TENM1: variants seen among roughly 807,000 people sequenced by gnomAD.
TENM1 encodes teneurin-1.
Under a neutral mutation model 174.8 loss-of-function variants are expected in TENM1, and 35 were observed. The ratio of observed to expected loss-of-function variants is 0.20; its 90% CI spans 0.15 to 0.27. TENM1 has a LOEUF of 0.27. Ranked by LOEUF, TENM1 falls within the 10% of genes least tolerant of loss-of-function variation. The pLI is 1.00. For synonymous variants in TENM1, 781 were observed against 798.7 expected (o/e 0.98, Z 0.37); for missense variants, 1,633 against 2,130.1 (o/e 0.77, Z 4.59).
chrX:124,894,938 A>G lies in TENM1; in HGVS notation c.479-586T>C, dbSNP rs746280497. Among the ~76,000 whole-genome samples, 8 of 111,535 alleles carry G rather than the reference A, an allele frequency of 7.2e-5. No individual in the cohort carries two copies. The East Asian group carries it at 8.5e-4, about 12-fold the overall frequency. On this transcript the variant is annotated intron_variant, in intron 2 of 31. Transcript: ENST00000422452. ...CTTGGCCAAAGTCAACAATGCATAC[A>G]TGAACACATACATATATGAAAATAA...
At chrX:124,485,251 G>A (rs1474239714) in intron 21 of TENM1, among the ~76,000 whole-genome samples, 1 of 110,972 alleles carries the variant, frequency 9.0e-6, no homozygotes, top group Non-Finnish European at 1.9e-5. Flanking sequence ...CATCAAGTAA[G>A]AGAATCCAGT....
At chrX:124,702,345 C>T (rs917970955) in intron 5 of TENM1, among the ~76,000 whole-genome samples, 23 of 111,434 alleles carry the variant, frequency 2.1e-4, no homozygotes, top group African/African-American at 6.8e-4. Flanking sequence ...TATCCAGTCA[C>T]ATAATGTCCA....
the TENM1 span, among the ~76,000 whole-genome samples, chrX:124,980,830 C>A: frequency 2.7e-5 from 3 of 111,120 alleles, no homozygotes; most frequent in Non-Finnish European, 5.7e-5. Context: ...ATTTAAATAG[C>A]AATAATCTTT....
At chrX:124,399,686 G>T (rs1431559368) in intron 27 of TENM1, among the ~76,000 whole-genome samples, 1 of 111,991 alleles carries the variant, frequency 8.9e-6, no homozygotes, top group African/African-American at 3.3e-5. Context: ...ACAAAAATAG[G>T]CTAGGCACGG....
At chrX:124,853,044 T>C (rs1050104700) in intron 3 of TENM1, among the ~76,000 whole-genome samples, 21 of 112,026 alleles carry the variant, frequency 1.9e-4, no homozygotes, top group African/African-American at 6.8e-4. Flanking sequence ...ACTCATTTTG[T>C]TCCTGCTATG....
At chrX:125,090,632 G>T in the TENM1 span, among the ~76,000 whole-genome samples, 1 of 111,586 alleles carries the variant, frequency 9.0e-6, no homozygotes, top group East Asian at 2.8e-4. Context: ...TCCAGGCTGG[G>T]TGACAGAGCA....
chrX:125,103,422 T>C, the TENM1 span, among the ~76,000 whole-genome samples: 3 of 111,562 alleles, frequency 2.7e-5, no homozygotes, highest in Non-Finnish European at 5.6e-5. Context: ...TCAGGTGCCT[T>C]GGTCCCCATG....
At chrX:124,810,298 T>C (rs1312342357) in intron 3 of TENM1, among the ~76,000 whole-genome samples, 1 of 111,477 alleles carries the variant, frequency 9.0e-6, no homozygotes, top group Admixed American at 9.6e-5. Context: ...GACATGATCT[T>C]ATATATAGAA....
chrX:124,386,209 A>G (rs1271282725), intron 28 of TENM1, 145 bp from the exon 32 acceptor site: 2 of 481,290 alleles, frequency 4.2e-6, no homozygotes, highest in African/African-American at 4.8e-5. Context: ...TGGATACAGT[A>G]GTGCACAATA....
chrX:124,613,577 A>G (rs1392859525), intron 11 of TENM1, among the ~76,000 whole-genome samples: 1 of 111,477 alleles, frequency 9.0e-6, no homozygotes, highest in Non-Finnish European at 1.9e-5. Flanking sequence ...TCATTCTTCA[A>G]ATTATTCTGG....
intron 6 of TENM1, among the ~76,000 whole-genome samples, chrX:124,658,123 TTCA>T (rs1189616007): frequency 9.0e-6 from 1 of 111,326 alleles, no homozygotes; most frequent in African/African-American, 3.3e-5. Flanking sequence ...CTTTAAAGGG[TTCA>T]AAGGGGTATA....
chrX:124,722,043 C>T (rs945636936), intron 4 of TENM1, among the ~76,000 whole-genome samples: 2 of 111,783 alleles, frequency 1.8e-5, no homozygotes, highest in African/African-American at 3.3e-5. Flanking sequence ...CCCACATTAC[C>T]ATAAAATTAC....
intron 5 of TENM1, among the ~76,000 whole-genome samples, chrX:124,682,158 C>T (rs1414275303): frequency 9.0e-6 from 1 of 111,567 alleles, no homozygotes; most frequent in Non-Finnish European, 1.9e-5. Flanking sequence ...CATCAACATC[C>T]CCCAAAGCTG....
intron 11 of TENM1, among the ~76,000 whole-genome samples, chrX:124,597,108 G>C (rs2049912573): frequency 9.0e-6 from 1 of 111,501 alleles, no homozygotes; most frequent in Non-Finnish European, 1.9e-5. Context: ...ATGGAAAACA[G>C]TGTGTAGATT....
chrX:124,920,555 C>A (rs1334072536), intron 1 of TENM1, among the ~76,000 whole-genome samples: 2 of 111,315 alleles, frequency 1.8e-5, no homozygotes, highest in Non-Finnish European at 3.8e-5. Flanking sequence ...ATTGCTGGGT[C>A]ACAATGCATG....
At chrX:124,682,225 T>C (rs1351506363) in intron 5 of TENM1, among the ~76,000 whole-genome samples, 1 of 111,847 alleles carries the variant, frequency 8.9e-6, no homozygotes, top group Non-Finnish European at 1.9e-5. Context: ...CTGGAAGTTG[T>C]AGGTTTTGGG....
At position 124,427,545 on chromosome X, in the gene TENM1, C is replaced by T. The variant is rs967172188; in HGVS notation, c.4105-4907G>A. Among the ~76,000 whole-genome samples, 15 of 111,617 alleles carry T rather than the reference C, an allele frequency of 1.3e-4. No individual in the cohort carries two copies. The South Asian group carries it at 4.6e-3, about 34-fold the overall frequency. ...CCCTTTAATTCCCATTTGATTTGGC[C>T]GGGCAGCTTGTCTATGCAATCTCCA... On this transcript the variant is annotated intron_variant, in intron 23 of 31. Transcript: ENST00000422452.
At chrX:124,662,180 C>T (rs765136959) in intron 6 of TENM1, among the ~76,000 whole-genome samples, 4 of 111,016 alleles carry the variant, frequency 3.6e-5, no homozygotes, top group Non-Finnish European at 5.7e-5. Flanking sequence ...ACAAGTCTCT[C>T]GCAGTGGCTC....
chrX:124,376,488 A>G (rs1446424109), exon 32 of TENM1: 2 of 112,181 alleles, frequency 1.8e-5, no homozygotes, highest in African/African-American at 6.5e-5. Context: ...CTAAGGAAAG[A>G]TTTTTAACTG....
Sources: allele counts gnomAD v4.1 joint callset (sites outside exome capture counted in the v4.1 genomes callset), GRCh38; gene constraint gnomAD v4.1.1; transcripts MANE v1.5; gene names NCBI Gene and HGNC (gene_info 2026-07-23, HGNC 2026-07-21).